EZH2: variants seen among roughly 807,000 people sequenced by gnomAD.
EZH2 encodes the protein enhancer of zeste 2 polycomb repressive complex 2 subunit, also known as histone-lysine N-methyltransferase EZH2.
EZH2 carries 18 observed loss-of-function variants against 98.4 expected under a neutral mutation model. The observed-to-expected ratio is 0.18, with a 90% CI of 0.13 to 0.27. The LOEUF is 0.27. Among genes scored for constraint, EZH2 ranks in the 10% least tolerant of loss-of-function variants. The pLI, the probability that EZH2 is intolerant of heterozygous loss-of-function variation, is 1.00. For missense variants in EZH2, 470 were observed against 935.1 expected, an observed-to-expected ratio of 0.50 and a Z score of 6.49; for synonymous variants, 338 against 312.3, an observed-to-expected ratio of 1.08 and a Z score of -0.87.
Position 148,817,640 on chromosome 7 carries a change from G to T in EZH2, c.1240+237C>A, listed in dbSNP as rs1405641310. On this transcript the variant is annotated intron_variant, in intron 10 of 19. Coordinates refer to ENST00000320356, the MANE Select transcript of EZH2 (RefSeq NM_004456.5). ...GATCGAAAAAAGAAAATGGCACAAA[G>T]AATGAGAATAAAGTGCATCATCAGC... The T allele has an allele frequency of 6.0e-6, 4 of 667,394 alleles. No homozygotes were observed. In the East Asian group the frequency reaches 1.1e-4, roughly 18 times the overall value. 41.3% of individuals were successfully genotyped at this position (667,394 alleles called of 1,614,324 possible). A position where few individuals can be genotyped will look rare whatever the true frequency, so the allele number is the denominator to read the frequency against.
intron 2 of EZH2, 111 bp from the exon 3 acceptor site, chr7:148,846,709 C>T (rs1814144961): frequency 2.1e-6 from 2 of 959,252 alleles, no homozygotes; most frequent in Admixed American, 5.2e-5. Flanking sequence ...ATATCAAGAA[C>T]ATTTTCTTAG....
intron 5 of EZH2, 56 bp downstream of exon 5, chr7:148,829,670 CAA>C (rs1367861218): frequency 1.3e-6 from 2 of 1,578,046 alleles, no homozygotes; most frequent in Non-Finnish European, 8.6e-7. Context: ...GCTTCATAAA[CAA>C]AAGTGTCTCT....
intron 1 of EZH2, among the ~76,000 whole-genome samples, chr7:148,863,634 G>C (rs1818018375): frequency 6.6e-6 from 1 of 151,768 alleles, no homozygotes; most frequent in Non-Finnish European, 1.5e-5. Context: ...CTTGACCCAG[G>C]GACCTTTTTG....
At chr7:148,833,922 T>A (rs116172425) in intron 3 of EZH2, among the ~76,000 whole-genome samples, 2,746 of 152,296 alleles carry the variant, frequency 0.018, 88 homozygotes, top group African/African-American at 0.063. Context: ...TGATACCATA[T>A]TGCTAAAATG....
chr7:148,812,651 G>C (rs1479678580), intron 15 of EZH2, among the ~76,000 whole-genome samples: 1 of 152,154 alleles, frequency 6.6e-6, no homozygotes, highest in East Asian at 1.9e-4. Flanking sequence ...AGTATGAATA[G>C]AATTGCCCAC....
chr7:148,861,492 G>T (rs1817660444), intron 1 of EZH2, among the ~76,000 whole-genome samples: 2 of 152,110 alleles, frequency 1.3e-5, no homozygotes, highest in South Asian at 4.1e-4. Context: ...CTCCCAAAGT[G>T]CTGGGATTAC....
chr7:148,846,219 TA>T (rs1311499075), intron 3 of EZH2, among the ~76,000 whole-genome samples: 1 of 152,030 alleles, frequency 6.6e-6, no homozygotes, highest in African/African-American at 2.4e-5. Flanking sequence ...CTTTTTTTTT[TA>T]AATCAACATT....
intron 1 of EZH2, among the ~76,000 whole-genome samples, chr7:148,869,581 T>A (rs932971797): frequency 1.3e-5 from 2 of 152,018 alleles, no homozygotes; most frequent in South Asian, 4.2e-4. Flanking sequence ...CAAGCAATCC[T>A]CCCACCTCAG....
Position 148,866,527 on chromosome 7 carries a change from C to CAT in EZH2, c.-8+17635_-8+17636dup, listed in dbSNP as rs1400642913. Among the ~76,000 whole-genome samples the CAT allele has an allele frequency of 1.1e-4, 11 of 102,082 alleles. No homozygotes were observed. In the Admixed American group the frequency reaches 1.3e-3, roughly 12 times the overall value. The allele number at this position is 102,082 out of a possible 152,430, so 67.0% of individuals were successfully genotyped here. A position where few individuals can be genotyped will look rare whatever the true frequency, so the allele number is the denominator to read the frequency against. The stretch of plus-strand genomic sequence containing the variant: ...GTATATACATATATATGTGTATATA[C>CAT]ATATATATACGTATATACATATATA... On this transcript the variant is annotated intron_variant, in intron 1 of 19. Transcript: ENST00000320356.
intron 1 of EZH2, among the ~76,000 whole-genome samples, chr7:148,879,866 A>G (rs1820718605): frequency 6.6e-6 from 1 of 151,968 alleles, no homozygotes; most frequent in African/African-American, 2.4e-5. Context: ...GTACTTTAAG[A>G]GGCCAAGGCA....
chr7:148,813,084 C>T (rs1001896267), intron 15 of EZH2, among the ~76,000 whole-genome samples: 1 of 150,626 alleles, frequency 6.6e-6, no homozygotes, highest in Admixed American at 6.6e-5. Flanking sequence ...CACACACACA[C>T]AGAGCATAAG....
chr7:148,844,340 G>A (rs1174156688), intron 3 of EZH2, among the ~76,000 whole-genome samples: 3 of 152,172 alleles, frequency 2.0e-5, no homozygotes, highest in Non-Finnish European at 2.9e-5. Flanking sequence ...ACGATTTATT[G>A]TGATAACACC....
chr7:148,838,296 G>C (rs944516428), intron 3 of EZH2, among the ~76,000 whole-genome samples: 2 of 151,932 alleles, frequency 1.3e-5, no homozygotes, highest in Non-Finnish European at 2.9e-5. Context: ...AGGAAATTTA[G>C]ATCCTTAAAG....
chr7:148,846,838 CTGTGTGTGTGTGTGTGTGTG>C (rs59597308), intron 2 of EZH2, among the ~76,000 whole-genome samples: 67 of 135,172 alleles, frequency 5.0e-4, no homozygotes, highest in South Asian at 1.0e-3. Context: ...TCTTTGTTGA[CTGTGTGTGTGTGTGTGTGTG>C]TGTGTGTGTG....
At position 148,851,104 on chromosome 7, in the gene EZH2, T is replaced by C. The variant is rs1224928991; in HGVS notation, c.-7-3799A>G. On this transcript the variant is annotated intron_variant, in intron 1 of 19. Transcript: ENST00000320356. ...TCTATTAACCCACATGAATAACGAGTAGCTTGTATCTTATCAGCATATCAT... is the reference window on the plus strand; with the variant it reads ...TCTATTAACCCACATGAATAACGAGCAGCTTGTATCTTATCAGCATATCAT... Among the ~76,000 whole-genome samples, 4 of 151,914 alleles carry C rather than the reference T, an allele frequency of 2.6e-5. No individual in the cohort carries two copies. The East Asian group carries it at 5.8e-4, about 22-fold the overall frequency.
At chr7:148,832,255 G>A (rs1809591348) in intron 4 of EZH2, among the ~76,000 whole-genome samples, 1 of 152,028 alleles carries the variant, frequency 6.6e-6, no homozygotes, top group African/African-American at 2.4e-5. Flanking sequence ...GCTAACTTTT[G>A]TTTTGAGGAC....
chr7:148,819,473 T>G, intron 9 of EZH2, 123 bp downstream of exon 9: 1 of 711,760 alleles, frequency 1.4e-6, no homozygotes, highest in South Asian at 1.8e-5. Context: ...GTGAGAAAGC[T>G]CTGTCTATCA....
At chr7:148,846,815 G>A (rs1303775484) in intron 2 of EZH2, among the ~76,000 whole-genome samples, 2 of 148,944 alleles carry the variant, frequency 1.3e-5, no homozygotes, top group East Asian at 2.0e-4. Context: ...AACAGGAAAC[G>A]ATTGCCATCC....
At chr7:148,819,156 A>AT (rs1805324090) in intron 9 of EZH2, 2 of 416,700 alleles carry the variant, frequency 4.8e-6, no homozygotes, top group Non-Finnish European at 9.3e-6. Flanking sequence ...GTTCTCCATC[A>AT]TTTAAAAAAA....
Sources: allele counts gnomAD v4.1 joint callset (sites outside exome capture counted in the v4.1 genomes callset), GRCh38; gene constraint gnomAD v4.1.1; transcripts MANE v1.5; gene names NCBI Gene and HGNC (gene_info 2026-07-23, HGNC 2026-07-21).